The following NAP1L1 variants were observed in gnomAD, a reference collection of about 807,000 sequenced individuals.
NAP1L1 encodes nucleosome assembly protein 1-like 1.
NAP1L1 carries 9 observed loss-of-function variants against 58.9 expected under a neutral mutation model. The ratio of observed to expected loss-of-function variants is 0.15; its 90% CI spans 0.09 to 0.27. The LOEUF is 0.27. Ranked by LOEUF, NAP1L1 falls within the 10% of genes least tolerant of loss-of-function variation. The pLI is 1.00. For synonymous variants in NAP1L1, 130 were observed against 138.3 expected, an observed-to-expected ratio of 0.94 and a Z score of 0.42; for missense variants, 302 against 458.8, an observed-to-expected ratio of 0.66 and a Z score of 3.12.
chr12:76,050,926 G>T (rs1948790883), intron 11 of NAP1L1, among the ~76,000 whole-genome samples: 1 of 150,996 alleles, frequency 6.6e-6, no homozygotes, highest in Non-Finnish European at 1.5e-5. Flanking sequence ...GGCTGAGGTG[G>T]GAAGATTGCT....
At chr12:76,059,542 G>A in intron 6 of NAP1L1, 1 of 374,940 alleles carries the variant, frequency 2.7e-6, no homozygotes, top group Non-Finnish European at 4.8e-6. Context: ...GACTTGTGGT[G>A]TTTTAAACTG....
intron 4 of NAP1L1, among the ~76,000 whole-genome samples, chr12:76,065,379 G>T (rs978040578): frequency 1.1e-4 from 17 of 151,940 alleles, no homozygotes; most frequent in Non-Finnish European, 1.6e-4. Flanking sequence ...GAAAGTCCTG[G>T]TAATGTTGTA....
intron 1 of NAP1L1, among the ~76,000 whole-genome samples, chr12:76,079,735 G>A (rs960275656): frequency 4.7e-5 from 7 of 148,564 alleles, no homozygotes; most frequent in African/African-American, 1.8e-4. Flanking sequence ...CCAGGCTATA[G>A]TGCAGTGGCG....
In NAP1L1 at chr12:76,060,297, A is replaced by G; in HGVS notation, c.207-18T>C. 6.2e-7 allele frequency: 1 copy of G among 1,611,546 alleles called. No individual in the cohort carries two copies. The highest frequency in any genetic ancestry group is 8.5e-7 in the Non-Finnish European group (1 of 1,178,762). On this transcript the variant is annotated intron_variant, in intron 4 of 14. Coordinates refer to ENST00000618691, the MANE Select transcript of NAP1L1 (RefSeq NM_004537.7). ...TAGGCAGGCTGAAAGGTTAGAAATC[A>G]GTTATATAGCATCAGAGTAAAATGG...
rs1407575894 is a variant in NAP1L1, at chr12:76,056,245, C to G, written c.430-84G>C. 6 of 1,354,588 alleles carry G rather than the reference C, an allele frequency of 4.4e-6. No individual in the cohort carries two copies. In the African/African-American group the frequency reaches 9.7e-5, roughly 22 times the overall value. The allele number at this position is 1,354,588 out of a possible 1,614,324, so 83.9% of individuals were successfully genotyped here. ...GCAAAGGTATAAAAACCAAAAAGCACAGTCACCAGATATTACCTTCAAAGT... is the reference window on the plus strand; with the variant it reads ...GCAAAGGTATAAAAACCAAAAAGCAGAGTCACCAGATATTACCTTCAAAGT... On this transcript the variant is annotated intron_variant, in intron 6 of 14. Coordinates refer to ENST00000618691, the MANE Select transcript of NAP1L1 (RefSeq NM_004537.7).
intron 1 of NAP1L1, among the ~76,000 whole-genome samples, chr12:76,078,003 G>GAAAAAAAAAAAAAAAAA (rs1565749743): frequency 7.4e-6 from 1 of 135,958 alleles, no homozygotes; most frequent in African/African-American, 2.7e-5. Flanking sequence ...AAAAAAAAAG[G>GAAAAAAAAAAAAAAAAA]AAAAGAATTA....
intron 2 of NAP1L1, among the ~76,000 whole-genome samples, chr12:76,070,251 T>G (rs140696100): frequency 1.3e-5 from 2 of 152,214 alleles, no homozygotes; most frequent in Non-Finnish European, 2.9e-5. Flanking sequence ...GCCTCCTGAA[T>G]AGCTGGGACT....
At chr12:76,080,664 A>G (rs1480495574) in intron 1 of NAP1L1, among the ~76,000 whole-genome samples, 2 of 152,196 alleles carry the variant, frequency 1.3e-5, no homozygotes, top group Non-Finnish European at 2.9e-5. Flanking sequence ...CTTCATGACC[A>G]TAACTGCTAT....
At chr12:76,063,664 G>A (rs1949518686) in intron 4 of NAP1L1, among the ~76,000 whole-genome samples, 1 of 152,022 alleles carries the variant, frequency 6.6e-6, no homozygotes, top group South Asian at 2.1e-4. Flanking sequence ...AGGCATGGTT[G>A]TGCATGCCTA....
In NAP1L1 at chr12:76,038,747, T is replaced by C. The variant is rs1376470255; in HGVS notation, c.*9682A>G. ...AGGAAATGTTTATGGCAAGCTTGTA[T>C]GTTGCCACTAAACCTACCAGAAAAA... On this transcript the variant is annotated 3_prime_UTR_variant, in exon 15 of 15. Coordinates refer to ENST00000618691, the MANE Select transcript of NAP1L1 (RefSeq NM_004537.7). 2 of 152,204 alleles carry C rather than the reference T, an allele frequency of 1.3e-5. No homozygotes were observed. Among genetic ancestry groups the C allele is most frequent in the Non-Finnish European group, 2.9e-5 (2 of 68,030 alleles). 9.4% of individuals were successfully genotyped at this position (152,204 alleles called of 1,614,324 possible).
Position 76,045,682 on chromosome 12 carries a change from C to A in NAP1L1, c.*2747G>T, listed in dbSNP as rs565374363. Reference sequence around the variant, plus strand: ...AAGCTAGATTTACTAATTTAAGAATCCTAAGAAATTATATATGTGGCTTTC... The same window carrying A: ...AAGCTAGATTTACTAATTTAAGAATACTAAGAAATTATATATGTGGCTTTC... On this transcript the variant is annotated 3_prime_UTR_variant, in exon 15 of 15. Transcript: ENST00000618691. 4.3e-4 allele frequency: 65 copies of A among 152,046 alleles called. No homozygotes were observed. Among genetic ancestry groups the A allele is most frequent in the African/African-American group, 1.4e-3 (58 of 41,506 alleles). The allele number at this position is 152,046 out of a possible 1,614,324, so 9.4% of individuals were successfully genotyped here.
chr12:76,056,202 A>G (rs1311661733), intron 6 of NAP1L1, 41 bp from the exon 7 acceptor site: 1 of 1,576,938 alleles, frequency 6.3e-7, no homozygotes, highest in Admixed American at 1.9e-5. Flanking sequence ...TACATAGATT[A>G]GACCTCATGA....
At chr12:76,069,940 A>C (rs1324092210) in intron 2 of NAP1L1, among the ~76,000 whole-genome samples, 3 of 152,154 alleles carry the variant, frequency 2.0e-5, no homozygotes, top group South Asian at 4.1e-4. Context: ...TTCCTGTGTA[A>C]ATTTTTTATT....
At chr12:76,083,522 T>C (rs1291364904) in intron 1 of NAP1L1, among the ~76,000 whole-genome samples, 1 of 150,932 alleles carries the variant, frequency 6.6e-6, no homozygotes, top group East Asian at 1.9e-4. Flanking sequence ...TGGGCCACAT[T>C]TAAAGCCGTC....
intron 4 of NAP1L1, among the ~76,000 whole-genome samples, chr12:76,064,096 G>A (rs1949546959): frequency 6.6e-6 from 1 of 152,128 alleles, no homozygotes; most frequent in Non-Finnish European, 1.5e-5. Flanking sequence ...AGTGAGCCAT[G>A]AGTGTGCCAC....
chr12:76,082,072 T>G (rs1269779228), intron 1 of NAP1L1, among the ~76,000 whole-genome samples: 2 of 152,242 alleles, frequency 1.3e-5, no homozygotes, highest in Non-Finnish European at 2.9e-5. Context: ...TTGATTAAAC[T>G]TGAAGATCTG....
chr12:76,057,479 C>T, intron 6 of NAP1L1: 1 of 657,456 alleles, frequency 1.5e-6, no homozygotes, highest in African/African-American at 1.8e-5. Context: ...GTCGGCTCAG[C>T]TGGCAACAGT....
intron 1 of NAP1L1, chr12:76,084,070 C>G (rs924142060): frequency 6.6e-6 from 1 of 152,212 alleles, no homozygotes; most frequent in African/African-American, 2.4e-5. Flanking sequence ...GCCCCTCCCT[C>G]CCGTCGGAAT....
Position 76,057,457 on chromosome 12 carries a change from C to T in NAP1L1, c.430-1296G>A, listed in dbSNP as rs986195649. 19 of 613,782 alleles carry T rather than the reference C, an allele frequency of 3.1e-5. No individual in the cohort carries two copies. The East Asian group carries it at 3.6e-4, about 12-fold the overall frequency. The allele number at this position is 613,782 out of a possible 1,614,324, so 38.0% of individuals were successfully genotyped here. ...TCTAGGGAGGCCCTGGCCGGGGAAA[C>T]GAGTTGCATTTGTCGGCTCAGCTGG... On this transcript the variant is annotated intron_variant, in intron 6 of 14. Coordinates refer to ENST00000618691, the MANE Select transcript of NAP1L1 (RefSeq NM_004537.7).
Sources: allele counts gnomAD v4.1 joint callset (sites outside exome capture counted in the v4.1 genomes callset), GRCh38; gene constraint gnomAD v4.1.1; transcripts MANE v1.5; gene names NCBI Gene and HGNC (gene_info 2026-07-23, HGNC 2026-07-21).